Variants in FREM1 observed in about 807,000 individuals in gnomAD.
FREM1 encodes FRAS1 related extracellular matrix 1, also known as FRAS1-related extracellular matrix protein 1.
In FREM1, 220 loss-of-function variants were observed where a neutral mutation model predicts 210.1. The observed-to-expected ratio is 1.05, with a 90% CI of 0.94 to 1.17. The LOEUF (loss-of-function observed/expected upper bound fraction) is 1.17. Ranked by LOEUF, FREM1 falls within the 50% of genes most tolerant of loss-of-function variation. The pLI, the probability that FREM1 is intolerant of heterozygous loss-of-function variation, is 0.00. For missense variants in FREM1, 3,454 were observed against 2,675.5 expected (o/e 1.29, Z -6.42); for synonymous variants, 1,189 against 980.2 (o/e 1.21, Z -3.98).
At chr9:14,805,368 T>C (rs1818175624) in intron 18 of FREM1, among the ~76,000 whole-genome samples, 1 of 152,204 alleles carries the variant, frequency 6.6e-6, no homozygotes, top group African/African-American at 2.4e-5. Context: ...AAAATTTGCA[T>C]GGAGAACCGA....
intron 13 of FREM1, among the ~76,000 whole-genome samples, chr9:14,822,894 G>A (rs536815438): frequency 1.3e-5 from 2 of 152,184 alleles, no homozygotes; most frequent in East Asian, 3.9e-4. Context: ...AGAAAGAAGA[G>A]GAAGTGAAAA....
At chr9:14,872,867 T>G (rs1014180267) in intron 1 of FREM1, among the ~76,000 whole-genome samples, 4 of 152,040 alleles carry the variant, frequency 2.6e-5, no homozygotes, top group African/African-American at 4.8e-5. Context: ...TATTGAGAGT[T>G]TTTAGCATGA....
At chr9:14,876,854 G>T (rs1833855043) in intron 1 of FREM1, among the ~76,000 whole-genome samples, 1 of 152,110 alleles carries the variant, frequency 6.6e-6, no homozygotes, top group Admixed American at 6.5e-5. Flanking sequence ...GTTGAACTTT[G>T]ACAAGATACA....
At chr9:14,822,373 A>C (rs1299761547) in intron 13 of FREM1, among the ~76,000 whole-genome samples, 1 of 152,144 alleles carries the variant, frequency 6.6e-6, no homozygotes, top group Non-Finnish European at 1.5e-5. Flanking sequence ...GGAGTCAGGA[A>C]AGAGAACGCC....
chr9:14,866,069 T>C (rs1831461519), intron 2 of FREM1, among the ~76,000 whole-genome samples: 1 of 152,202 alleles, frequency 6.6e-6, no homozygotes, highest in South Asian at 2.1e-4. Context: ...TGGAAATACA[T>C]ACACTAAGTA....
At chr9:14,829,686 C>A (rs1220215653) in intron 10 of FREM1, among the ~76,000 whole-genome samples, 1 of 152,172 alleles carries the variant, frequency 6.6e-6, no homozygotes, top group Admixed American at 6.5e-5. Context: ...CCTCCAGAAC[C>A]ATGAGCCAAA....
intron 14 of FREM1, among the ~76,000 whole-genome samples, chr9:14,817,421 T>C (rs1820499393): frequency 6.6e-6 from 1 of 152,196 alleles, no homozygotes; most frequent in South Asian, 2.1e-4. Context: ...TCAATCTATA[T>C]AAATTCTTAA....
intron 1 of FREM1, among the ~76,000 whole-genome samples, chr9:14,884,011 C>A (rs1835304161): frequency 6.6e-6 from 1 of 152,108 alleles, no homozygotes; most frequent in African/African-American, 2.4e-5. Context: ...GGCGGATCAC[C>A]TGAGGTCAGG....
Position 14,812,981 on chromosome 9 carries a change from G to T in FREM1, c.2724C>A (p.Val908=), listed in dbSNP as rs760764918. The T allele has an allele frequency of 6.2e-7, 1 of 1,613,464 alleles. No individual in the cohort carries two copies. Among genetic ancestry groups the T allele is most frequent in the South Asian group, 1.1e-5 (1 of 91,064 alleles). Reference sequence around the variant, plus strand: ...TAGCAAAAATGTATTCAGAGGTGATGACCACCTCTCCTCCCTCTGAGCAAT... The same window carrying T: ...TAGCAAAAATGTATTCAGAGGTGATTACCACCTCTCCTCCCTCTGAGCAAT... ...VMNCSEGGEV[V]ITSEYIFATD... Residue 908 remains valine (V), a synonymous_variant, in exon 16 of 37, where the codon GTC becomes GTA. Coordinates refer to ENST00000380880, the MANE Select transcript of FREM1 (RefSeq NM_001379081.2).
chr9:14,843,650 T>A (rs1010872585), intron 8 of FREM1, among the ~76,000 whole-genome samples: 2 of 152,210 alleles, frequency 1.3e-5, no homozygotes, highest in African/African-American at 4.8e-5. Flanking sequence ...ACAGTAAGCC[T>A]ACAATAAATG....
At chr9:14,746,694 A>G (rs1283429780) in intron 34 of FREM1, among the ~76,000 whole-genome samples, 6 of 152,264 alleles carry the variant, frequency 3.9e-5, no homozygotes. Flanking sequence ...CACTCTGATA[A>G]CTGAACAAAA....
chr9:14,888,454 C>G (rs1458554014), intron 1 of FREM1, among the ~76,000 whole-genome samples: 1 of 152,190 alleles, frequency 6.6e-6, no homozygotes, highest in Admixed American at 6.5e-5. Context: ...TGGTTCCAGA[C>G]AGCAATAGAT....
At chr9:14,870,761 G>C (rs7872959) in intron 1 of FREM1, among the ~76,000 whole-genome samples, 1 of 150,362 alleles carries the variant, frequency 6.7e-6, no homozygotes, top group South Asian at 2.1e-4. Context: ...CCATTAACTC[G>C]TCACTTAGCA....
chr9:14,843,798 T>G (rs930584827), intron 8 of FREM1, among the ~76,000 whole-genome samples: 1 of 99,144 alleles, frequency 1.0e-5, no homozygotes, highest in African/African-American at 4.0e-5. Flanking sequence ...ACCTGCTGAA[T>G]CAGAAATTCA....
At position 14,801,855 on chromosome 9, in the gene FREM1, T is replaced by G; in HGVS notation, c.3491A>C (p.Lys1164Thr). The change falls in exon 20 of 37, where the codon AAA (lysine) becomes ACA (threonine). Residue 1164 changes from lysine to threonine, a missense_variant. Coordinates refer to ENST00000380880, the MANE Select transcript of FREM1 (RefSeq NM_001379081.2). Reference sequence around the variant, plus strand: ...GCTGATGATGGAAGAGTCCAGCTCTTTCATCTGACCCTCACACACCTGAGC... The same window carrying G: ...GCTGATGATGGAAGAGTCCAGCTCTGTCATCTGACCCTCACACACCTGAGC... ...QNITVCEGQM[K>T]ELDSSIISAV... 6.2e-7 allele frequency: 1 copy of G among 1,613,148 alleles called. No individual in the cohort carries two copies. The highest frequency in any genetic ancestry group is 1.1e-5 in the South Asian group (1 of 91,018).
intron 1 of FREM1, among the ~76,000 whole-genome samples, chr9:14,887,492 A>G (rs1314415694): frequency 6.6e-6 from 1 of 152,184 alleles, no homozygotes; most frequent in Non-Finnish European, 1.5e-5. Context: ...AGAAGCCCAT[A>G]ACCTCTTATC....
chr9:14,815,487 G>T (rs747294188), intron 15 of FREM1, among the ~76,000 whole-genome samples: 112 of 152,210 alleles, frequency 7.4e-4, no homozygotes, highest in Non-Finnish European at 8.1e-4. Flanking sequence ...CTAGAACAAT[G>T]AAAATAATTA....
chr9:14,868,999 T>G lies in FREM1; in HGVS notation c.-22A>C, dbSNP rs1300471277. The G allele has an allele frequency of 6.7e-7, 1 of 1,491,282 alleles. No homozygotes were observed. The highest frequency in any genetic ancestry group is 1.2e-5 in the South Asian group (1 of 82,028). The allele number at this position is 1,491,282 out of a possible 1,614,324, so 92.4% of individuals were successfully genotyped here. On this transcript the variant is annotated 5_prime_UTR_variant, in exon 2 of 37. Transcript: ENST00000380880. ...TCATGCTGACAGGGCCCAACTCTTC[T>G]CTGTCCACCGGCGAAATCCCTTTAA...
intron 16 of FREM1, among the ~76,000 whole-genome samples, chr9:14,811,265 G>T (rs1048769720): frequency 6.6e-6 from 1 of 152,026 alleles, no homozygotes; most frequent in Non-Finnish European, 1.5e-5. Context: ...TTAGTTAATA[G>T]TCCCGTCTAT....
Sources: allele counts gnomAD v4.1 joint callset (sites outside exome capture counted in the v4.1 genomes callset), GRCh38; gene constraint gnomAD v4.1.1; transcripts MANE v1.5; gene names NCBI Gene and HGNC (gene_info 2026-07-23, HGNC 2026-07-21).